UFL1: variants seen among roughly 807,000 people sequenced by gnomAD.
The protein encoded by UFL1 is UFM1 specific ligase 1, also known as E3 UFM1-protein ligase 1.
UFL1 carries 78 observed loss-of-function variants against 99.3 expected under a neutral mutation model. That is an observed-to-expected ratio of 0.79 (90% CI 0.65 to 0.95). The LOEUF (loss-of-function observed/expected upper bound fraction) is 0.95, where lower values mean the gene tolerates loss of function less well. Among genes scored for constraint, UFL1 ranks in the 40% least tolerant of loss-of-function variants. The probability of loss-of-function intolerance (pLI) is 0.00; values close to 1 mark genes in which losing one functional copy is unlikely to be tolerated. For synonymous variants in UFL1, 335 were observed against 322.2 expected (o/e 1.04, Z -0.42); for missense variants, 936 against 937.0 (o/e 1.00, Z 0.01).
rs183824447 is a variant in UFL1, at chr6:96,531,815, G to A, written c.597-2448G>A. On this transcript the variant is annotated intron_variant, in intron 6 of 18. Coordinates refer to ENST00000369278, the MANE Select transcript of UFL1 (RefSeq NM_015323.5). ...CTCATTCATAGTAGTCCTGAGTTTC[G>A]CTATATGGAGGTACCATCAAATAAT... Among the ~76,000 whole-genome samples, 10 of 151,940 alleles carry A rather than the reference G, an allele frequency of 6.6e-5. No homozygotes were observed. The South Asian group carries it at 1.7e-3, about 25-fold the overall frequency.
intron 8 of UFL1, among the ~76,000 whole-genome samples, chr6:96,536,744 A>G (rs1769859789): frequency 6.6e-6 from 1 of 151,762 alleles, no homozygotes; most frequent in Non-Finnish European, 1.5e-5. Context: ...TATAAACTTA[A>G]AAGTATTTTT....
rs367945717 is a variant in UFL1, at chr6:96,551,514, G to A, written c.1899+1G>A. ...ACTCCATAACTCTCTGAATGAAAAG[G>A]TAAGTAAAGTTTTATTCTATTTACA... On this transcript the variant is annotated splice_donor_variant, in intron 16 of 18. Coordinates refer to ENST00000369278, the MANE Select transcript of UFL1 (RefSeq NM_015323.5). LOFTEE classifies it high-confidence loss of function. 1 of 1,510,326 alleles carries A rather than the reference G, an allele frequency of 6.6e-7. No individual in the cohort carries two copies. Among genetic ancestry groups the A allele is most frequent in the Non-Finnish European group, 8.9e-7 (1 of 1,121,664 alleles). 93.6% of individuals were successfully genotyped at this position (1,510,326 alleles called of 1,614,324 possible). A position where few individuals can be genotyped will look rare whatever the true frequency, so the allele number is the denominator to read the frequency against.
chr6:96,552,180 G>T (rs1038033643), intron 17 of UFL1, among the ~76,000 whole-genome samples: 1 of 151,980 alleles, frequency 6.6e-6, no homozygotes, highest in Admixed American at 6.6e-5. Context: ...TTAGCTTGGG[G>T]ACTTTCCTTA....
At chr6:96,536,972 G>A (rs1358347650) in intron 8 of UFL1, among the ~76,000 whole-genome samples, 3 of 143,840 alleles carry the variant, frequency 2.1e-5, no homozygotes, top group Non-Finnish European at 3.1e-5. Context: ...AAAACAATTA[G>A]CATATATATA....
chr6:96,542,952 A>G lies in UFL1; in HGVS notation c.1338A>G (p.Lys446=). 2.5e-6 allele frequency: 4 copies of G among 1,603,572 alleles called. No individual in the cohort carries two copies. The highest frequency in any genetic ancestry group is 1.7e-4 in the Middle Eastern group (1 of 6,014). ...GGGNAREYKI[K]KVKKKGRKDD... ...GCAATGCCAGAGAGTACAAAATTAAAAAAGTCAAGAAGAAAGGAAGAAAAG... is the reference window on the plus strand; with the variant it reads ...GCAATGCCAGAGAGTACAAAATTAAGAAAGTCAAGAAGAAAGGAAGAAAAG... The change falls in exon 12 of 19, where the codon AAA becomes AAG. Residue 446 remains lysine, a synonymous_variant. Transcript: ENST00000369278.
chr6:96,539,383 C>T (rs978673961), intron 10 of UFL1, among the ~76,000 whole-genome samples: 2 of 151,574 alleles, frequency 1.3e-5, no homozygotes, highest in African/African-American at 4.8e-5. Context: ...AAAGCCTGCT[C>T]TCAAATAGGT....
At chr6:96,535,390 A>C (rs751097387) in intron 7 of UFL1, among the ~76,000 whole-genome samples, 6 of 151,960 alleles carry the variant, frequency 3.9e-5, no homozygotes, top group Admixed American at 1.3e-4. Context: ...TGTTTAGTTA[A>C]ATGTTATGGT....
intron 8 of UFL1, 21 bp downstream of exon 8, chr6:96,536,411 A>T (rs764213438): frequency 5.1e-6 from 8 of 1,581,200 alleles, no homozygotes; most frequent in Non-Finnish European, 5.2e-6. Context: ...TATTTCTTTA[A>T]AACTAAAATT....
At chr6:96,547,811 G>A (rs112515386) in intron 12 of UFL1, among the ~76,000 whole-genome samples, 32 of 151,278 alleles carry the variant, frequency 2.1e-4, no homozygotes, top group Non-Finnish European at 3.8e-4. Flanking sequence ...GGGAAGTTGG[G>A]GGGGGGCGGT....
chr6:96,532,089 A>G (rs983267516), intron 6 of UFL1, among the ~76,000 whole-genome samples: 2 of 152,210 alleles, frequency 1.3e-5, no homozygotes, highest in African/African-American at 4.8e-5. Context: ...TAGTGAGAAG[A>G]ATGATGTATG....
chr6:96,528,735 T>A, intron 6 of UFL1, 103 bp downstream of exon 6: 1 of 1,361,972 alleles, frequency 7.3e-7, no homozygotes, highest in Non-Finnish European at 9.8e-7. Flanking sequence ...TAAAGTCTCA[T>A]TTAGGACCCC....
intron 6 of UFL1, among the ~76,000 whole-genome samples, chr6:96,533,968 G>T (rs565150094): frequency 1.3e-5 from 2 of 151,730 alleles, no homozygotes; most frequent in African/African-American, 4.8e-5. Context: ...CTCCCAGACA[G>T]AAAAAACATT....
At chr6:96,549,966 C>T (rs950860744) in intron 15 of UFL1, among the ~76,000 whole-genome samples, 167 bp downstream of exon 15, 1 of 151,782 alleles carries the variant, frequency 6.6e-6, no homozygotes, top group Admixed American at 6.6e-5. Context: ...TATACAGTTG[C>T]TAGCAGGATT....
intron 1 of UFL1, among the ~76,000 whole-genome samples, chr6:96,522,671 G>A (rs1023981643): frequency 1.3e-5 from 2 of 152,140 alleles, no homozygotes; most frequent in East Asian, 3.9e-4. Flanking sequence ...GGTAACTAAC[G>A]TGGGTAAAAG....
Position 96,549,678 on chromosome 6 carries a change from A to G in UFL1, c.1697A>G (p.Gln566Arg). The change falls in exon 15 of 19, where the codon CAG becomes CGG. Residue 566 changes from glutamine to arginine, a missense_variant. By Grantham distance (43) the Gln-to-Arg change is conservative. Transcript: ENST00000369278. ...GTCCTTTATTTTCCAGATGACACAC[A>G]GGCTGCTCTTACCAAACACTTGCTG... ...KGMKFFADDT[Q>R]AALTKHLLKS... 6.2e-7 allele frequency: 1 copy of G among 1,609,406 alleles called. No homozygotes were observed. Among genetic ancestry groups the G allele is most frequent in the Non-Finnish European group, 8.5e-7 (1 of 1,178,062 alleles).
Position 96,548,211 on chromosome 6 carries a change from G to T in UFL1, c.1450G>T (p.Asp484Tyr), listed in dbSNP as rs1170696233. Reference protein sequence around the residue: ...ISFMFQDEIEDFLRKHIQDAP... With the variant: ...ISFMFQDEIEYFLRKHIQDAP... ...TTTTATGTTCCAGGATGAGATTGAA[G>T]ATTTTTTAAGAAAACACATACAAGA... Residue 484 changes from aspartate to tyrosine, a missense_variant, in exon 13 of 19, where the codon GAT (aspartate) becomes TAT (tyrosine). Asp to Tyr is a radical substitution (Grantham distance 160, BLOSUM62 -3). Transcript: ENST00000369278. The T allele has an allele frequency of 3.1e-6, 5 of 1,607,458 alleles. No homozygotes were observed. The highest frequency in any genetic ancestry group is 1.3e-5 in the African/African-American group (1 of 74,428).
At chr6:96,522,511 C>A (rs1490768414) in intron 1 of UFL1, among the ~76,000 whole-genome samples, 1 of 152,162 alleles carries the variant, frequency 6.6e-6, no homozygotes, top group African/African-American at 2.4e-5. Context: ...CCAGAGGAGC[C>A]TAACTCTGCT....
At chr6:96,550,536 A>C (rs1770063321) in intron 15 of UFL1, among the ~76,000 whole-genome samples, 1 of 152,040 alleles carries the variant, frequency 6.6e-6, no homozygotes, top group South Asian at 2.1e-4. Context: ...GTAGTTAGTC[A>C]TTGCCTCATA....
intron 3 of UFL1, among the ~76,000 whole-genome samples, 194 bp from the exon 4 acceptor site, chr6:96,525,103 A>G (rs938223651): frequency 8.7e-5 from 13 of 149,416 alleles, no homozygotes; most frequent in Admixed American, 2.0e-4. Flanking sequence ...GAGTCTCCCT[A>G]TGTTGCCCAG....
Sources: allele counts gnomAD v4.1 joint callset (sites outside exome capture counted in the v4.1 genomes callset), GRCh38; gene constraint gnomAD v4.1.1; transcripts MANE v1.5; gene names NCBI Gene and HGNC (gene_info 2026-07-23, HGNC 2026-07-21).